The following NUFIP1 variants were observed in gnomAD, a reference collection of about 807,000 sequenced individuals.
NUFIP1 encodes the protein FMR1-interacting protein NUFIP1.
In NUFIP1, 38 loss-of-function variants were observed where a neutral mutation model predicts 56.2. The ratio of observed to expected loss-of-function variants is 0.68; its 90% CI spans 0.52 to 0.89. The LOEUF (loss-of-function observed/expected upper bound fraction) is 0.89. Among genes scored for constraint, NUFIP1 ranks in the 40% least tolerant of loss-of-function variants. The pLI, the probability that NUFIP1 is intolerant of heterozygous loss-of-function variation, is 0.00. For missense variants in NUFIP1, 567 were observed against 605.8 expected (o/e 0.94, Z 0.67); for synonymous variants, 215 against 212.4 (o/e 1.01, Z -0.10).
chr13:44,944,586 C>G (rs1330026140), intron 8 of NUFIP1, among the ~76,000 whole-genome samples: 3 of 152,002 alleles, frequency 2.0e-5, no homozygotes, highest in Non-Finnish European at 4.4e-5. Context: ...ACGATTAACT[C>G]AAATTGACAA....
intron 9 of NUFIP1, among the ~76,000 whole-genome samples, chr13:44,942,319 A>G (rs1044881523): frequency 6.6e-6 from 1 of 152,214 alleles, no homozygotes; most frequent in African/African-American, 2.4e-5. Context: ...TAGTTTGCCA[A>G]AAAGGAATTT....
chr13:44,942,521 A>AG (rs1387150282), intron 9 of NUFIP1, among the ~76,000 whole-genome samples: 1 of 152,238 alleles, frequency 6.6e-6, no homozygotes, highest in Non-Finnish European at 1.5e-5. Flanking sequence ...TCAAGAGTGT[A>AG]GCCACTGAAC....
At chr13:44,988,836 C>T (rs935955280) in intron 1 of NUFIP1, among the ~76,000 whole-genome samples, 189 bp downstream of exon 1, 2 of 152,182 alleles carry the variant, frequency 1.3e-5, no homozygotes, top group Non-Finnish European at 2.9e-5. Flanking sequence ...CGACCACAGG[C>T]ATGCCACCAT....
At chr13:44,979,682 C>A (rs2137922688) in intron 4 of NUFIP1, among the ~76,000 whole-genome samples, 1 of 152,230 alleles carries the variant, frequency 6.6e-6, no homozygotes, top group African/African-American at 2.4e-5. Flanking sequence ...AGGCCTTGGG[C>A]AATTCATTTT....
chr13:44,977,985 G>A (rs775704419), intron 5 of NUFIP1, among the ~76,000 whole-genome samples: 1 of 152,182 alleles, frequency 6.6e-6, no homozygotes, highest in African/African-American at 2.4e-5. Context: ...GCAGGTGGAG[G>A]TTGCAGTGGG....
At chr13:44,956,834 A>C (rs1050086371) in intron 7 of NUFIP1, among the ~76,000 whole-genome samples, 1 of 152,074 alleles carries the variant, frequency 6.6e-6, no homozygotes, top group Non-Finnish European at 1.5e-5. Flanking sequence ...CTAACAGGCT[A>C]AGGAACTGTA....
chr13:44,970,450 T>C (rs554803314), intron 5 of NUFIP1, among the ~76,000 whole-genome samples: 22 of 152,308 alleles, frequency 1.4e-4, no homozygotes, highest in African/African-American at 4.8e-4. Context: ...AAGCTTTTCC[T>C]AACAGAGCAA....
At chr13:44,962,026 A>G (rs1871441290) in intron 6 of NUFIP1, among the ~76,000 whole-genome samples, 1 of 152,238 alleles carries the variant, frequency 6.6e-6, no homozygotes, top group African/African-American at 2.4e-5. Flanking sequence ...CCATCTAAAA[A>G]TAGTTACAAA....
At chr13:44,970,237 T>C (rs1871755131) in intron 5 of NUFIP1, among the ~76,000 whole-genome samples, 1 of 152,034 alleles carries the variant, frequency 6.6e-6, no homozygotes, top group South Asian at 2.1e-4. Flanking sequence ...TTTGGGGAGG[T>C]AGGGGAAAGG....
intron 6 of NUFIP1, among the ~76,000 whole-genome samples, chr13:44,965,158 G>T (rs1243718810): frequency 6.6e-6 from 1 of 152,120 alleles, no homozygotes; most frequent in African/African-American, 2.4e-5. Flanking sequence ...AGATCTGATG[G>T]TTTTAAAAAG....
rs185553242 is a variant in NUFIP1, at chr13:44,975,707, C to T, written c.734+3483G>A. ...TACCCCTGCCTTTGTCATGAAACACCCTAATCTTCCAGACTAGATGAAGTC... is the reference window on the plus strand; with the variant it reads ...TACCCCTGCCTTTGTCATGAAACACTCTAATCTTCCAGACTAGATGAAGTC... On this transcript the variant is annotated intron_variant, in intron 5 of 9. Coordinates refer to ENST00000379161, the MANE Select transcript of NUFIP1 (RefSeq NM_012345.3). Among the ~76,000 whole-genome samples the T allele has an allele frequency of 3.1e-3, 469 of 152,258 alleles. 2 individuals carry two copies. The highest frequency in any genetic ancestry group is 8.1e-3 in the African/African-American group (336 of 41,542).
At chr13:44,970,272 TATTAAATTAAATAC>T (rs1324582864) in intron 5 of NUFIP1, among the ~76,000 whole-genome samples, 1 of 152,180 alleles carries the variant, frequency 6.6e-6, no homozygotes, top group Non-Finnish European at 1.5e-5. Context: ...CCTTAAAAGT[TATTAAATTAAATAC>T]ACTCGGTACC....
chr13:44,972,051 A>G (rs537475667), intron 5 of NUFIP1, among the ~76,000 whole-genome samples: 1 of 152,330 alleles, frequency 6.6e-6, no homozygotes, highest in Non-Finnish European at 1.5e-5. Flanking sequence ...AATACTTTCC[A>G]TGCTCAAATA....
chr13:44,956,112 C>G (rs1366754127), intron 7 of NUFIP1, among the ~76,000 whole-genome samples: 1 of 148,374 alleles, frequency 6.7e-6, no homozygotes, highest in Non-Finnish European at 1.5e-5. Context: ...CCACTGCACT[C>G]CAGCCTGGGC....
chr13:44,969,146 C>T (rs888663590), intron 5 of NUFIP1, among the ~76,000 whole-genome samples: 1 of 151,960 alleles, frequency 6.6e-6, no homozygotes, highest in African/African-American at 2.4e-5. Flanking sequence ...GTGCTGAAAT[C>T]AATAAAATCC....
chr13:44,970,061 C>T (rs1258615786), intron 5 of NUFIP1, among the ~76,000 whole-genome samples: 1 of 152,204 alleles, frequency 6.6e-6, no homozygotes, highest in African/African-American at 2.4e-5. Flanking sequence ...AACTACTCCA[C>T]CTAGTGGACT....
At chr13:44,941,344 G>C (rs1870728941) in intron 9 of NUFIP1, 22 bp from the exon 10 acceptor site, 1 of 1,393,486 alleles carries the variant, frequency 7.2e-7, no homozygotes, top group Admixed American at 1.9e-5. Flanking sequence ...TTTAAAAAAA[G>C]ATGAGGTAGT....
chr13:44,965,990 TAAGCAATC>T, intron 5 of NUFIP1, 54 bp from the exon 6 acceptor site: 1 of 1,088,184 alleles, frequency 9.2e-7, no homozygotes, highest in Non-Finnish European at 1.3e-6. Flanking sequence ...CAATTTTAAA[TAAGCAATC>T]AAGCAATTGC....
intron 4 of NUFIP1, 119 bp downstream of exon 4, chr13:44,979,771 C>T: frequency 1.6e-6 from 1 of 617,236 alleles, no homozygotes; most frequent in Non-Finnish European, 2.7e-6. Flanking sequence ...ATGTCAAAAT[C>T]CTTACAAAGT....
Sources: gnomAD v4.1 joint callset for allele counts (sites outside exome capture counted in the v4.1 genomes callset) on GRCh38, gnomAD v4.1.1 for gene constraint, MANE v1.5 for transcripts, NCBI Gene and HGNC (gene_info 2026-07-23, HGNC 2026-07-21) for gene names.